The following TTLL4 variants were observed in gnomAD, a reference collection of about 807,000 sequenced individuals.
TTLL4 encodes the protein tubulin tyrosine ligase like 4.
Under a neutral mutation model 122.7 loss-of-function variants are expected in TTLL4, and 85 were observed. The observed-to-expected ratio is 0.69, with a 90% CI of 0.58 to 0.83. The LOEUF (loss-of-function observed/expected upper bound fraction) is 0.83. Among genes scored for constraint, TTLL4 ranks in the 40% least tolerant of loss-of-function variants. The probability of loss-of-function intolerance (pLI) is 0.00; values close to 1 mark genes in which losing one functional copy is unlikely to be tolerated. For synonymous variants in TTLL4, 553 were observed against 563.0 expected, an observed-to-expected ratio of 0.98 and a Z score of 0.25; for missense variants, 1,363 against 1,488.6, an observed-to-expected ratio of 0.92 and a Z score of 1.39.
chr2:218,724,000 A>G lies in TTLL4; in HGVS notation c.-177-3269A>G, dbSNP rs1455330057. On this transcript the variant is annotated intron_variant, in intron 1 of 19. Coordinates refer to ENST00000392102, the MANE Select transcript of TTLL4 (RefSeq NM_014640.5). ...TATAAGAGAATATCCTGGTTTTAGC[A>G]AACATTTAGGAAGTTTTTAGGAAGT... is the stretch of plus-strand genomic sequence containing the variant. Among the ~76,000 whole-genome samples the G allele has an allele frequency of 3.3e-5, 5 of 152,232 alleles. No homozygotes were observed. The South Asian group carries it at 6.2e-4, about 19-fold the overall frequency.
chr2:218,748,654 CAAAAAAAA>C (rs570493846), intron 12 of TTLL4, 174 bp from the exon 13 acceptor site: 9 of 229,610 alleles, frequency 3.9e-5, no homozygotes, highest in South Asian at 4.5e-5. Context: ...AACTCCATCT[CAAAAAAAA>C]AAAAAAAAAA....
downstream of TTLL4, among the ~76,000 whole-genome samples, chr2:218,759,470 C>T (rs1049119342): frequency 6.6e-6 from 1 of 152,202 alleles, no homozygotes; most frequent in Non-Finnish European, 1.5e-5. Flanking sequence ...AAGCCAGAAA[C>T]AAAAGACTGC....
chr2:218,729,757 A>G (rs559629405), intron 2 of TTLL4, among the ~76,000 whole-genome samples: 1 of 111,918 alleles, frequency 8.9e-6, no homozygotes, highest in Admixed American at 8.7e-5. Context: ...TTAAAAAAAA[A>G]AAAAACAAAA....
rs1471663011 is a variant in TTLL4, at chr2:218,738,427, T to C, written c.751T>C (p.Ser251Pro). ...ATCGCCACCCAAGATCCAGCCTGTCTCCTGGCATCATTCAGGGGGTACTGG... is the reference window on the plus strand; with the variant it reads ...ATCGCCACCCAAGATCCAGCCTGTCCCCTGGCATCATTCAGGGGGTACTGG... ...PVSPPKIQPV[S>P]WHHSGGTGDC... is the part of the protein sequence containing the mutation. Residue 251 changes from serine (S) to proline (P), a missense_variant, in exon 3 of 20, where the codon TCC becomes CCC. Ser to Pro is a moderately conservative substitution (Grantham distance 74, BLOSUM62 -1). This residue lies in a region of TTLL4 where 760 missense variants were observed against 808.4 expected (regional missense o/e 0.94). Coordinates refer to ENST00000392102, the MANE Select transcript of TTLL4 (RefSeq NM_014640.5). The C allele has an allele frequency of 2.5e-6, 4 of 1,614,196 alleles. No homozygotes were observed. The highest frequency in any genetic ancestry group is 3.4e-6 in the Non-Finnish European group (4 of 1,180,044).
At chr2:218,737,315 G>T (rs541677705) in intron 2 of TTLL4, among the ~76,000 whole-genome samples, 1 of 152,140 alleles carries the variant, frequency 6.6e-6, no homozygotes, top group East Asian at 1.9e-4. Flanking sequence ...ACAGAGTGGG[G>T]ACTCATAAGC....
intron 3 of TTLL4, 56 bp downstream of exon 3, chr2:218,739,219 T>A: frequency 6.5e-7 from 1 of 1,536,374 alleles, no homozygotes; most frequent in Non-Finnish European, 8.7e-7. Flanking sequence ...ATACCATAAT[T>A]TGGGGTGGCA....
intron 1 of TTLL4, among the ~76,000 whole-genome samples, chr2:218,724,444 G>A (rs1942129085): frequency 6.6e-6 from 1 of 151,972 alleles, no homozygotes; most frequent in South Asian, 2.1e-4. Flanking sequence ...ACTCTTCCTG[G>A]CCTCTGTTAA....
chr2:218,741,907 A>G (rs767318006), intron 5 of TTLL4, among the ~76,000 whole-genome samples: 3 of 152,222 alleles, frequency 2.0e-5, no homozygotes, highest in Non-Finnish European at 2.9e-5. Flanking sequence ...TACAAATTGC[A>G]CATAACTTTT....
At chr2:218,745,558 C>A in intron 6 of TTLL4, 133 bp from the exon 7 acceptor site, 1 of 691,258 alleles carries the variant, frequency 1.4e-6, no homozygotes, top group Non-Finnish European at 2.6e-6. Flanking sequence ...CTCTGAAACC[C>A]TGATCTGGAG....
At chr2:218,711,651 A>T (rs1476925594) in intron 1 of TTLL4, among the ~76,000 whole-genome samples, 1 of 152,160 alleles carries the variant, frequency 6.6e-6, no homozygotes, top group African/African-American at 2.4e-5. Context: ...TAGGACAAGC[A>T]TGTTTTCACG....
chr2:218,747,608 A>C lies in TTLL4; in HGVS notation c.2261A>C (p.Lys754Thr). The change falls in exon 11 of 20, where the codon AAA (lysine) becomes ACA (threonine). Residue 754 changes from lysine (K) to threonine (T), a missense_variant. Around this residue, in one of 3 missense-constraint regions of TTLL4, gnomAD observed 596 missense variants for 655.8 expected, o/e 0.91. Transcript: ENST00000392102. The surrounding 1 kb of genome is among the most constrained non-coding windows in gnomAD (Gnocchi z 4.7). ...TTTGTCCTATGTAGGTATCTACACA[A>C]ACCCTACCTCATCAGCGGCAGCAAG... ...RPLLVQRYLH[K>T]PYLISGSKFD... 6.2e-7 allele frequency: 1 copy of C among 1,614,178 alleles called. No homozygotes were observed. The highest frequency in any genetic ancestry group is 1.1e-5 in the South Asian group (1 of 91,082).
At position 218,738,984 on chromosome 2, in the gene TTLL4, C is replaced by A; in HGVS notation, c.1308C>A (p.Ala436=). Reference sequence around the variant, plus strand: ...CCAGTGGGCTCAATCACAACCCTGCCTGTGAATCTGTAATTGACTCCTCAG... The same window carrying A: ...CCAGTGGGCTCAATCACAACCCTGCATGTGAATCTGTAATTGACTCCTCAG... ...SHASGLNHNP[A]CESVIDSSAF... is the part of the protein sequence containing the mutation. The change falls in exon 3 of 20, where the codon GCC becomes GCA. Residue 436 remains alanine (A), a synonymous_variant. Coordinates refer to ENST00000392102, the MANE Select transcript of TTLL4 (RefSeq NM_014640.5). 6.2e-7 allele frequency: 1 copy of A among 1,614,214 alleles called. No homozygotes were observed.
chr2:218,753,838 G>T (rs1346271670), intron 19 of TTLL4, among the ~76,000 whole-genome samples, 169 bp downstream of exon 19: 1 of 152,102 alleles, frequency 6.6e-6, no homozygotes, highest in Non-Finnish European at 1.5e-5. Context: ...ATCTTGGTAT[G>T]CCCAGGGAAG....
At chr2:218,714,649 A>G (rs1160212397) in intron 1 of TTLL4, among the ~76,000 whole-genome samples, 3 of 152,070 alleles carry the variant, frequency 2.0e-5, no homozygotes, top group Non-Finnish European at 4.4e-5. Flanking sequence ...GCTTCTCTAG[A>G]CCGGCAGTGC....
At chr2:218,757,767 T>C (rs1179609070), downstream of TTLL4, among the ~76,000 whole-genome samples, 1 of 152,184 alleles carries the variant, frequency 6.6e-6, no homozygotes, top group Non-Finnish European at 1.5e-5. Context: ...ACTGATCATC[T>C]GGACACAAAG....
chr2:218,731,413 A>G (rs1942379658), intron 2 of TTLL4, among the ~76,000 whole-genome samples: 3 of 148,960 alleles, frequency 2.0e-5, no homozygotes, highest in Admixed American at 2.0e-4. Context: ...TCTGTTTCCA[A>G]AAAAAAAAAA....
At chr2:218,753,457 C>A in intron 18 of TTLL4, 127 bp from the exon 19 acceptor site, 1 of 1,014,004 alleles carries the variant, frequency 9.9e-7, no homozygotes, top group Non-Finnish European at 1.5e-6. Flanking sequence ...GGGCCCATGC[C>A]TGAGGGGTAG....
intron 1 of TTLL4, among the ~76,000 whole-genome samples, chr2:218,723,361 A>C (rs762213580): frequency 6.6e-6 from 1 of 152,224 alleles, no homozygotes; most frequent in Non-Finnish European, 1.5e-5. Context: ...GAGGTTTTAC[A>C]CAGAATCACA....
chr2:218,752,759 A>G lies in TTLL4; in HGVS notation c.2977-4A>G, dbSNP rs768874709. On this transcript the variant is annotated splice_polypyrimidine_tract_variant and splice_region_variant and intron_variant, in intron 16 of 19. Coordinates refer to ENST00000392102, the MANE Select transcript of TTLL4 (RefSeq NM_014640.5). ...CCTTTTTCTCCCTGTTCCTTGGACC[A>G]CAGGACTTCTATGCATCTGTGCTGG... 14 of 1,613,964 alleles carry G rather than the reference A, an allele frequency of 8.7e-6. No homozygotes were observed. In the East Asian group the frequency reaches 2.7e-4, roughly 31 times the overall value.
Sources: allele counts gnomAD v4.1 joint callset (sites outside exome capture counted in the v4.1 genomes callset), GRCh38; gene constraint gnomAD v4.1.1; regional missense constraint gnomAD v4.1.1; non-coding constraint Gnocchi (gnomAD v3.1); transcripts MANE v1.5; gene names NCBI Gene and HGNC (gene_info 2026-07-23, HGNC 2026-07-21).